LARGE1: variants seen among roughly 807,000 people sequenced by gnomAD.
LARGE1 encodes LARGE xylosyl- and glucuronyltransferase 1.
A neutral mutation model predicts 87.6 loss-of-function variants in LARGE1; 43 were observed. That is an observed-to-expected ratio of 0.49 (90% CI 0.38 to 0.63). The LOEUF (loss-of-function observed/expected upper bound fraction) is 0.63. Ranked by LOEUF, LARGE1 falls within the 30% of genes least tolerant of loss-of-function variation. The pLI, the probability that LARGE1 is intolerant of heterozygous loss-of-function variation, is 0.00. For synonymous variants in LARGE1, 434 were observed against 394.6 expected, an observed-to-expected ratio of 1.10 and a Z score of -1.18; for missense variants, 802 against 1,000.2, an observed-to-expected ratio of 0.80 and a Z score of 2.67.
chr22:33,551,993 C>CAAAAAAA (rs10674621), intron 6 of LARGE1, among the ~76,000 whole-genome samples: 1 of 72,878 alleles, frequency 1.4e-5, no homozygotes, highest in African/African-American at 5.8e-5. Flanking sequence ...GGCTCCGTCT[C>CAAAAAAA]AAAAAAAAAA....
chr22:33,344,638 C>T (rs1013251586), intron 9 of LARGE1, among the ~76,000 whole-genome samples: 5 of 152,114 alleles, frequency 3.3e-5, no homozygotes, highest in African/African-American at 1.2e-4. Flanking sequence ...ATCTGTGTTG[C>T]TGATATATAT....
chr22:33,199,761 C>T (rs1240888640), intron 11 of LARGE1, among the ~76,000 whole-genome samples: 4 of 152,040 alleles, frequency 2.6e-5, no homozygotes, highest in African/African-American at 4.8e-5. Flanking sequence ...GTTACTATAG[C>T]CTTGTAGTAT....
intron 14 of LARGE1, among the ~76,000 whole-genome samples, chr22:33,274,908 T>C (rs1020305452): frequency 7.2e-5 from 11 of 152,176 alleles, no homozygotes; most frequent in African/African-American, 2.7e-4. Context: ...CAATACTGTA[T>C]AAACAGTGCT....
chr22:33,626,049 G>A (rs1456910784), intron 4 of LARGE1, among the ~76,000 whole-genome samples, 195 bp downstream of exon 4: 1 of 152,180 alleles, frequency 6.6e-6, no homozygotes, highest in Non-Finnish European at 1.5e-5. Context: ...TCTAAACATG[G>A]CAAGACAGCA....
At chr22:33,591,124 C>T (rs1390001861) in intron 5 of LARGE1, among the ~76,000 whole-genome samples, 2 of 152,208 alleles carry the variant, frequency 1.3e-5, no homozygotes, top group East Asian at 3.8e-4. Flanking sequence ...TCGCTTGAAC[C>T]CGCGAGGCGG....
the LARGE1 span, among the ~76,000 whole-genome samples, chr22:33,100,394 A>C: frequency 2.6e-5 from 4 of 151,804 alleles, no homozygotes; most frequent in Non-Finnish European, 5.9e-5. Context: ...ATAAATAAAT[A>C]AATCTAAGTT....
intron 9 of LARGE1, among the ~76,000 whole-genome samples, chr22:33,371,456 T>G (rs1601614066): frequency 1.3e-5 from 2 of 152,160 alleles, no homozygotes; most frequent in Admixed American, 1.3e-4. Context: ...CCTTGATAAG[T>G]AGGACTAATT....
intron 2 of LARGE1, among the ~76,000 whole-genome samples, chr22:33,739,602 G>A (rs1428672591): frequency 6.6e-6 from 1 of 152,180 alleles, no homozygotes; most frequent in East Asian, 1.9e-4. Context: ...GGGAGGCTAA[G>A]GGAGGGAGTC....
At chr22:33,494,458 CAGTT>C (rs777994557) in intron 6 of LARGE1, among the ~76,000 whole-genome samples, 5 of 152,188 alleles carry the variant, frequency 3.3e-5, no homozygotes, top group Non-Finnish European at 5.9e-5. Flanking sequence ...GTGTTTAACA[CAGTT>C]AGTGCTCAAA....
rs577654805 is a variant in LARGE1 at position 33,308,590 on chromosome 22, G to A, written c.1452-4083C>T. Among the ~76,000 whole-genome samples, 26 of 152,214 alleles carry A rather than the reference G, an allele frequency of 1.7e-4. 1 individual carries two copies. In the East Asian group the frequency reaches 4.6e-3, roughly 27 times the overall value. On this transcript the variant is annotated intron_variant, in intron 11 of 14. Coordinates refer to ENST00000397394, the MANE Select transcript of LARGE1 (RefSeq NM_133642.5). The stretch of plus-strand genomic sequence containing the variant: ...CCACATGACTTGCTTTGGTCCATGC[G>A]ATATTAGCAAACATGACATGAGAAG...
the LARGE1 span, among the ~76,000 whole-genome samples, chr22:33,079,810 C>T: frequency 3.9e-5 from 6 of 152,010 alleles, no homozygotes; most frequent in Non-Finnish European, 8.8e-5. Flanking sequence ...ACTCTGAGCC[C>T]CCAAGAAAAG....
chr22:33,601,962 G>A (rs1263234308), intron 5 of LARGE1, among the ~76,000 whole-genome samples: 1 of 152,106 alleles, frequency 6.6e-6, no homozygotes, highest in Non-Finnish European at 1.5e-5. Flanking sequence ...GAGACCTCAT[G>A]GAAGGGGCTT....
the LARGE1 span, among the ~76,000 whole-genome samples, chr22:33,089,213 A>C: frequency 6.6e-6 from 1 of 152,300 alleles, no homozygotes; most frequent in East Asian, 1.9e-4. Flanking sequence ...TCCACCTCAC[A>C]GCTGAATTCA....
intron 1 of LARGE1, among the ~76,000 whole-genome samples, chr22:33,834,676 C>T (rs540726959): frequency 2.6e-5 from 4 of 152,268 alleles, no homozygotes; most frequent in South Asian, 2.1e-4. Flanking sequence ...CACACGGACG[C>T]GAGTGAAAGT....
intron 2 of LARGE1, among the ~76,000 whole-genome samples, chr22:33,655,400 T>G (rs771535850): frequency 3.9e-4 from 59 of 152,216 alleles, no homozygotes; most frequent in Non-Finnish European, 7.3e-4. Flanking sequence ...CAGATCTTCC[T>G]GGGTCTCGAG....
chr22:33,077,624 A>G, the LARGE1 span, among the ~76,000 whole-genome samples: 2 of 152,332 alleles, frequency 1.3e-5, no homozygotes, highest in African/African-American at 4.8e-5. Context: ...TTGAGGGGAT[A>G]GAAAGAGAAG....
intron 9 of LARGE1, among the ~76,000 whole-genome samples, chr22:33,372,515 A>C (rs2064848123): frequency 6.6e-6 from 1 of 152,212 alleles, no homozygotes; most frequent in Admixed American, 6.5e-5. Context: ...ACATGGCAGC[A>C]GGCAAGACAG....
chr22:33,580,546 C>T lies in LARGE1; in HGVS notation c.616-15527G>A, dbSNP rs548093523. On this transcript the variant is annotated intron_variant, in intron 5 of 14. Coordinates refer to ENST00000397394, the MANE Select transcript of LARGE1 (RefSeq NM_133642.5). The stretch of plus-strand genomic sequence containing the variant: ...GTGACAGGTGGAATAAAGGCCTGAT[C>T]ACAGTGAGTGAGCTCGAGACGCTAG... Among the ~76,000 whole-genome samples the T allele has an allele frequency of 1.7e-4, 26 of 152,262 alleles. 1 individual carries two copies. The South Asian group carries it at 5.4e-3, about 32-fold the overall frequency.
chr22:33,870,533 C>A (rs947572092), intron 1 of LARGE1, among the ~76,000 whole-genome samples: 5 of 149,326 alleles, frequency 3.3e-5, no homozygotes, highest in Non-Finnish European at 5.9e-5. Context: ...AACCCTAACC[C>A]CACAACATCC....
Sources: allele counts gnomAD v4.1 joint callset (sites outside exome capture counted in the v4.1 genomes callset), GRCh38; gene constraint gnomAD v4.1.1; transcripts MANE v1.5; gene names NCBI Gene and HGNC (gene_info 2026-07-23, HGNC 2026-07-21).